MGMT: variants seen among roughly 807,000 people sequenced by gnomAD.
The protein encoded by MGMT is methylated-DNA--protein-cysteine methyltransferase.
A neutral mutation model predicts 15.9 loss-of-function variants in MGMT; 14 were observed. That is an observed-to-expected ratio of 0.88 (90% CI 0.58 to 1.37). MGMT has a LOEUF of 1.37. MGMT is among the 40% of genes most tolerant of loss of function. MGMT has a pLI of 0.00. For missense variants in MGMT, 282 were observed against 268.1 expected, an observed-to-expected ratio of 1.05 and a Z score of -0.36; for synonymous variants, 130 against 118.2, an observed-to-expected ratio of 1.10 and a Z score of -0.65.
At chr10:129,596,824 G>T (rs1415223669) in intron 2 of MGMT, among the ~76,000 whole-genome samples, 1 of 152,164 alleles carries the variant, frequency 6.6e-6, no homozygotes, top group Non-Finnish European at 1.5e-5. Flanking sequence ...AGTCTTATCC[G>T]CCACAGCCCA....
intron 1 of MGMT, among the ~76,000 whole-genome samples, chr10:129,513,438 G>A (rs1404290607): frequency 2.0e-5 from 3 of 152,180 alleles, no homozygotes; most frequent in African/African-American, 4.8e-5. Flanking sequence ...CAAAAGGAGT[G>A]TCTGGGACGT....
intron 2 of MGMT, among the ~76,000 whole-genome samples, chr10:129,646,300 G>A (rs922292687): frequency 1.2e-4 from 18 of 152,076 alleles, no homozygotes; most frequent in Non-Finnish European, 2.6e-4. Context: ...CAGAGCAGAG[G>A]GGGATTTACG....
intron 3 of MGMT, among the ~76,000 whole-genome samples, chr10:129,714,126 G>A (rs939285371): frequency 1.3e-5 from 2 of 152,188 alleles, no homozygotes; most frequent in Non-Finnish European, 2.9e-5. Flanking sequence ...GCCCCTAGGC[G>A]CCCCGAGCTC....
chr10:129,661,647 A>G (rs1037629977), intron 2 of MGMT, among the ~76,000 whole-genome samples: 4 of 152,010 alleles, frequency 2.6e-5, no homozygotes, highest in African/African-American at 4.8e-5. Flanking sequence ...ATTTTATTCT[A>G]GTCTCTTTTC....
chr10:129,496,592 T>C (rs1226978884), intron 1 of MGMT, among the ~76,000 whole-genome samples: 1 of 152,082 alleles, frequency 6.6e-6, no homozygotes, highest in East Asian at 1.9e-4. Context: ...CCACTCAGGG[T>C]GGTGCACTCT....
rs577876253 is a variant in MGMT, at chr10:129,631,220, G to A, written c.126-76675G>A. Among the ~76,000 whole-genome samples the A allele has an allele frequency of 6.6e-5, 10 of 151,974 alleles. No homozygotes were observed. The South Asian group carries it at 1.5e-3, about 22-fold the overall frequency. ...GAATTTGTAACTCAGCTGTGACAAC[G>A]TAGCCTGAGATTTACACAGTCCCCG... On this transcript the variant is annotated intron_variant, in intron 2 of 4. Transcript: ENST00000651593.
intron 2 of MGMT, among the ~76,000 whole-genome samples, chr10:129,706,090 C>T (rs1242722670): frequency 6.6e-6 from 1 of 152,248 alleles, no homozygotes; most frequent in Non-Finnish European, 1.5e-5. Context: ...GCCCCCAGCC[C>T]CCACCAGTCA....
chr10:129,511,982 G>T (rs546067671), intron 1 of MGMT, among the ~76,000 whole-genome samples: 1 of 152,352 alleles, frequency 6.6e-6, no homozygotes, highest in African/African-American at 2.4e-5. Context: ...CTCTTTCCAG[G>T]TCGAGGATTT....
chr10:129,510,904 T>C (rs1427817268), intron 1 of MGMT, among the ~76,000 whole-genome samples: 8 of 150,496 alleles, frequency 5.3e-5, no homozygotes, highest in Non-Finnish European at 8.9e-5. Flanking sequence ...GAACCCCGTA[T>C]ACCAGACACA....
intron 2 of MGMT, among the ~76,000 whole-genome samples, chr10:129,623,893 C>T (rs887040390): frequency 1.3e-5 from 2 of 152,224 alleles, no homozygotes; most frequent in East Asian, 1.9e-4. Context: ...ACACCCTCTT[C>T]CTCAAGAAAC....
chr10:129,566,027 G>A lies in MGMT; in HGVS notation c.125+29650G>A, dbSNP rs1030062751. On this transcript the variant is annotated intron_variant, in intron 2 of 4. Transcript: ENST00000651593. This position sits in a 1 kb window ranked among gnomAD's most constrained non-coding sequence, Gnocchi z 4.1. ...TCTGAGTTCTGTCCAGTTCAGGTTC[G>A]TAGGCCACTCTTGCAGCTCTGTTCC... 3.3e-5 allele frequency among the ~76,000 whole-genome samples: 5 copies of A among 152,192 alleles called. No homozygotes were observed. Among genetic ancestry groups the A allele is most frequent in the African/African-American group, 7.2e-5 (3 of 41,456 alleles).
At chr10:129,514,030 A>G (rs1845712142) in intron 1 of MGMT, among the ~76,000 whole-genome samples, 1 of 152,204 alleles carries the variant, frequency 6.6e-6, no homozygotes, top group Admixed American at 6.5e-5. Context: ...TTTTTCCTCT[A>G]ATTCAGGCTA....
intron 3 of MGMT, among the ~76,000 whole-genome samples, chr10:129,741,897 C>T (rs369612493): frequency 1.2e-4 from 18 of 152,308 alleles, no homozygotes; most frequent in Admixed American, 7.8e-4. Flanking sequence ...CAGTGAGGCT[C>T]GGAGCCCCCA....
intron 1 of MGMT, among the ~76,000 whole-genome samples, chr10:129,521,902 C>T (rs1564841530): frequency 6.6e-6 from 1 of 152,246 alleles, no homozygotes; most frequent in Non-Finnish European, 1.5e-5. Context: ...TGAGAACATC[C>T]CTCTGCTGTT....
At position 129,533,307 on chromosome 10, in the gene MGMT, G is replaced by A. The variant is rs191286531; in HGVS notation, c.-12-2934G>A. Among the ~76,000 whole-genome samples, 3 of 152,320 alleles carry A rather than the reference G, an allele frequency of 2.0e-5. No homozygotes were observed. Among genetic ancestry groups the A allele is most frequent in the South Asian group, 2.1e-4 (1 of 4,824 alleles). Reference sequence around the variant, plus strand: ...ACGGCATTTGTGCTTAAATTAGCCCGTGTCAGTTTCTGACACCTGCTGTTA... The same window carrying A: ...ACGGCATTTGTGCTTAAATTAGCCCATGTCAGTTTCTGACACCTGCTGTTA... On this transcript the variant is annotated intron_variant, in intron 1 of 4. Transcript: ENST00000651593. This position sits in a 1 kb window ranked among gnomAD's most constrained non-coding sequence, Gnocchi z 4.5.
At position 129,467,555 on chromosome 10, in the gene MGMT, C is replaced by T. The variant is rs1589823788; in HGVS notation, c.-13+259C>T. Reference sequence around the variant, plus strand: ...GGCGTGTGGCGGGGGTCGTGGCAGCCCCTGCCTTACCTCTAGGTGCCAGCC... The same window carrying T: ...GGCGTGTGGCGGGGGTCGTGGCAGCTCCTGCCTTACCTCTAGGTGCCAGCC... On this transcript the variant is annotated intron_variant, in intron 1 of 4. Transcript: ENST00000651593. 8.4e-6 allele frequency: 4 copies of T among 478,650 alleles called. No homozygotes were observed. The South Asian group carries it at 3.5e-4, about 42-fold the overall frequency. 29.7% of individuals were successfully genotyped at this position (478,650 alleles called of 1,614,324 possible).
At chr10:129,548,807 A>G (rs1270387781) in intron 2 of MGMT, among the ~76,000 whole-genome samples, 1 of 152,170 alleles carries the variant, frequency 6.6e-6, no homozygotes, top group African/African-American at 2.4e-5. Context: ...CAGGGCAAAG[A>G]GACCCAGGAG....
chr10:129,695,461 G>A (rs536889505), intron 2 of MGMT, among the ~76,000 whole-genome samples: 9 of 152,312 alleles, frequency 5.9e-5, no homozygotes, highest in South Asian at 2.1e-4. Flanking sequence ...ACCGAGCCCC[G>A]TGGAGGTCAA....
chr10:129,582,676 T>C (rs1846570507), intron 2 of MGMT, among the ~76,000 whole-genome samples: 1 of 152,142 alleles, frequency 6.6e-6, no homozygotes, highest in South Asian at 2.1e-4. Context: ...CATTTTTCTG[T>C]TACTGCTTTT....
Sources: gnomAD v4.1 joint callset for allele counts (sites outside exome capture counted in the v4.1 genomes callset) on GRCh38, gnomAD v4.1.1 for gene constraint, Gnocchi (gnomAD v3.1) non-coding constraint, MANE v1.5 for transcripts, NCBI Gene and HGNC (gene_info 2026-07-23, HGNC 2026-07-21) for gene names.